IPO9: variants seen among roughly 807,000 people sequenced by gnomAD.
The protein encoded by IPO9 is importin 9, also known as importin-9.
IPO9 carries 28 observed loss-of-function variants against 128.6 expected under a neutral mutation model. The observed-to-expected ratio is 0.22, with a 90% confidence interval of 0.16 to 0.30. IPO9 has a LOEUF of 0.30. Among genes scored for constraint, IPO9 ranks in the 10% least tolerant of loss-of-function variants. IPO9 has a pLI of 1.00. For missense variants in IPO9, 935 were observed against 1,293.9 expected (o/e 0.72, Z 4.26); for synonymous variants, 455 against 475.8 (o/e 0.96, Z 0.57).
intron 1 of IPO9, among the ~76,000 whole-genome samples, chr1:201,841,059 A>G (rs1177834518): frequency 6.6e-6 from 1 of 152,114 alleles, no homozygotes; most frequent in Admixed American, 6.6e-5. Context: ...ATAAATAAAT[A>G]ATTAAAATTA....
At chr1:201,831,385 G>C (rs180769560) in intron 1 of IPO9, among the ~76,000 whole-genome samples, 120 of 152,272 alleles carry the variant, frequency 7.9e-4, no homozygotes, top group Non-Finnish European at 1.1e-3. Flanking sequence ...TTTTGGATTT[G>C]GTTAGAGGGT....
intron 4 of IPO9, among the ~76,000 whole-genome samples, chr1:201,849,442 T>G (rs1448921677): frequency 3.3e-5 from 5 of 152,252 alleles, no homozygotes; most frequent in African/African-American, 1.2e-4. Flanking sequence ...CATCCTGTAC[T>G]GATCCTTTAG....
rs1680562673 is a variant in IPO9 at position 201,866,844 on chromosome 1, C to G, written c.1740C>G (p.Leu580=). Residue 580 remains leucine, a synonymous_variant, in exon 15 of 24, where the codon CTC becomes CTG. Transcript: ENST00000361565. ...HLAAQFSSEV[L]NLVMETLCIV... is the part of the protein sequence containing the mutation. ...CAGCCCAGTTCAGCTCAGAGGTCCT[C>G]AACCTGGTGATGGAGACCCTGTGCA... The G allele has an allele frequency of 6.2e-7, 1 of 1,614,176 alleles. No individual in the cohort carries two copies. The highest frequency in any genetic ancestry group is 8.5e-7 in the Non-Finnish European group (1 of 1,180,026).
chr1:201,829,535 C>T, intron 1 of IPO9, 163 bp downstream of exon 1: 1 of 650,012 alleles, frequency 1.5e-6, no homozygotes, highest in Non-Finnish European at 2.2e-6. Flanking sequence ...TTGTGAAAGT[C>T]CGAGAGAGGA....
intron 1 of IPO9, among the ~76,000 whole-genome samples, chr1:201,844,364 T>C (rs1680090531): frequency 6.6e-6 from 1 of 152,144 alleles, no homozygotes; most frequent in Non-Finnish European, 1.5e-5. Context: ...TTGAGACACG[T>C]TCTACAAAAT....
Position 201,881,318 on chromosome 1 carries a change from T to C in IPO9, c.*5264T>C, listed in dbSNP as rs1229610740. Reference sequence around the variant, plus strand: ...CACTTTGCTCACCCAGTTTTACAGATTGATGAAACTGAAGCAGACAGATAT... The same window carrying C: ...CACTTTGCTCACCCAGTTTTACAGACTGATGAAACTGAAGCAGACAGATAT... On this transcript the variant is annotated 3_prime_UTR_variant, in exon 24 of 24. Transcript: ENST00000361565. 3.9e-5 allele frequency: 6 copies of C among 152,172 alleles called. No homozygotes were observed. The highest frequency in any genetic ancestry group is 1.4e-4 in the African/African-American group (6 of 41,440). 9.4% of individuals were successfully genotyped at this position (152,172 alleles called of 1,614,324 possible). A position where few individuals can be genotyped will look rare whatever the true frequency, so the allele number is the denominator to read the frequency against.
intron 13 of IPO9, among the ~76,000 whole-genome samples, chr1:201,862,433 G>A (rs1680467054): frequency 6.6e-6 from 1 of 151,902 alleles, no homozygotes; most frequent in African/African-American, 2.4e-5. Flanking sequence ...ACTCCAGCCT[G>A]GGCAACAGAG....
Position 201,872,895 on chromosome 1 carries a change from C to T in IPO9, c.2644C>T (p.Arg882Cys), listed in dbSNP as rs369658460. Reference sequence around the variant, plus strand: ...AGATGACAAACGGCTACAGGATATCCGTGTGAAGGGAGAGGAGATCTACAG... The same window carrying T: ...AGATGACAAACGGCTACAGGATATCTGTGTGAAGGGAGAGGAGATCTACAG... ...NADDKRLQDI[R>C]VKGEEIYSMD... The change falls in exon 20 of 24, where the codon CGT becomes TGT. Residue 882 changes from arginine (R) to cysteine (C), a missense_variant. Physicochemically the swap from Arg to Cys is radical, Grantham distance 180 (BLOSUM62 -3). This residue lies in a region of IPO9 where 188 missense variants were observed against 246.7 expected (regional missense o/e 0.76). Transcript: ENST00000361565. The T allele has an allele frequency of 1.3e-4, 214 of 1,613,782 alleles. 1 individual carries two copies. Among genetic ancestry groups the T allele is most frequent in the Non-Finnish European group, 1.7e-4 (203 of 1,179,960 alleles).
At chr1:201,861,154 A>G (rs565447155) in intron 13 of IPO9, among the ~76,000 whole-genome samples, 1 of 152,344 alleles carries the variant, frequency 6.6e-6, no homozygotes, top group Admixed American at 6.5e-5. Context: ...CAACAGAGCG[A>G]GACTCTGTCT....
rs193079599 is a variant in IPO9 at position 201,874,442 on chromosome 1, A to C, written c.2833+70A>C. 6.4e-6 allele frequency: 10 copies of C among 1,550,878 alleles called. No individual in the cohort carries two copies. The Admixed American group carries it at 2.0e-4, about 31-fold the overall frequency. On this transcript the variant is annotated intron_variant, in intron 21 of 23. Coordinates refer to ENST00000361565, the MANE Select transcript of IPO9 (RefSeq NM_018085.5). The stretch of plus-strand genomic sequence containing the variant: ...CAAGTTACAAATTGTCAAATTATCA[A>C]CTTGGTTTGTTGAGTCACTAATTGA...
At chr1:201,874,496 G>A (rs944332352) in intron 21 of IPO9, 124 bp downstream of exon 21, 3 of 1,097,874 alleles carry the variant, frequency 2.7e-6, no homozygotes, top group Non-Finnish European at 2.6e-6. Context: ...TGGCTGCTCT[G>A]TGGCTGGCAC....
chr1:201,864,962 T>G (rs1680521878), intron 14 of IPO9, among the ~76,000 whole-genome samples: 1 of 152,198 alleles, frequency 6.6e-6, no homozygotes, highest in Non-Finnish European at 1.5e-5. Flanking sequence ...TGACAAAAGC[T>G]GTGGATATGT....
chr1:201,874,284 C>G lies in IPO9; in HGVS notation c.2745C>G (p.Val915=). ...GCTGGACAAACATTCCTTTGCTGGT[C>G]AAGATCCTAAAGCTGATCATCAACG... ...PERWTNIPLL[V]KILKLIINEL... is the part of the protein sequence containing the mutation. Residue 915 remains valine, a synonymous_variant, in exon 21 of 24, where the codon GTC becomes GTG. Transcript: ENST00000361565. 1 of 1,613,844 alleles carries G rather than the reference C, an allele frequency of 6.2e-7. No individual in the cohort carries two copies. The highest frequency in any genetic ancestry group is 8.5e-7 in the Non-Finnish European group (1 of 1,179,852).
At chr1:201,838,443 A>G (rs1679979862) in intron 1 of IPO9, among the ~76,000 whole-genome samples, 1 of 152,204 alleles carries the variant, frequency 6.6e-6, no homozygotes, top group Middle Eastern at 3.2e-3. Context: ...GTTGACTCCC[A>G]TATCTTCGGG....
At position 201,883,696 on chromosome 1, in the gene IPO9, AT is replaced by A. The variant is rs1267539899; in HGVS notation, c.*7643del. 6.6e-6 allele frequency: 1 copy of A among 152,298 alleles called. No individual in the cohort carries two copies. Among genetic ancestry groups the A allele is most frequent in the Non-Finnish European group, 1.5e-5 (1 of 68,066 alleles). 9.4% of individuals were successfully genotyped at this position (152,298 alleles called of 1,614,324 possible). A position where few individuals can be genotyped will look rare whatever the true frequency, so the allele number is the denominator to read the frequency against. ...GTGATTCTGGAGAGGGGAACAAACC[AT>A]AATAACAACAAACCAGGTAGCAGGA... On this transcript the variant is annotated 3_prime_UTR_variant, in exon 24 of 24. Transcript: ENST00000361565.
At chr1:201,856,977 G>C in intron 10 of IPO9, 119 bp from the exon 11 acceptor site, 2 of 731,790 alleles carry the variant, frequency 2.7e-6, no homozygotes, top group Non-Finnish European at 4.9e-6. Flanking sequence ...GTGAGCCATT[G>C]CATCCAGCAA....
At chr1:201,867,211 A>C (rs1262942197) in intron 15 of IPO9, among the ~76,000 whole-genome samples, 3 of 152,214 alleles carry the variant, frequency 2.0e-5, no homozygotes, top group Non-Finnish European at 1.5e-5. Context: ...TAATAAATAA[A>C]GGGCTAATAA....
intron 10 of IPO9, 48 bp from the exon 11 acceptor site, chr1:201,857,048 T>C: frequency 2.7e-6 from 3 of 1,131,782 alleles, no homozygotes; most frequent in Non-Finnish European, 4.1e-6. Context: ...GATGAAAAGC[T>C]ATGAATCAGA....
At chr1:201,869,049 G>A (rs1425313279) in intron 16 of IPO9, among the ~76,000 whole-genome samples, 5 of 152,036 alleles carry the variant, frequency 3.3e-5, no homozygotes, top group South Asian at 2.1e-4. Flanking sequence ...TCAGGAGTTC[G>A]AGACCAGCCT....
Sources: allele counts gnomAD v4.1 joint callset (sites outside exome capture counted in the v4.1 genomes callset), GRCh38; gene constraint gnomAD v4.1.1; regional missense constraint gnomAD v4.1.1; transcripts MANE v1.5; gene names NCBI Gene and HGNC (gene_info 2026-07-23, HGNC 2026-07-21).